Variants in TSPAN7 observed in about 807,000 individuals in gnomAD.
The protein encoded by TSPAN7 is tetraspanin 7.
TSPAN7 carries 1 observed loss-of-function variant against 17.6 expected under a neutral mutation model. That is an observed-to-expected ratio of 0.06 (90% confidence interval 0.02 to 0.27). TSPAN7 has a LOEUF of 0.27. Ranked by LOEUF, TSPAN7 falls within the 10% of genes least tolerant of loss-of-function variation. TSPAN7 has a pLI of 1.00. For synonymous variants in TSPAN7, 78 were observed against 79.0 expected (o/e 0.99, Z 0.07); for missense variants, 112 against 201.7 (o/e 0.56, Z 2.69).
At chrX:38,648,761 C>A (rs1022489029) in intron 1 of TSPAN7, among the ~76,000 whole-genome samples, 2 of 109,984 alleles carry the variant, frequency 1.8e-5, no homozygotes, top group African/African-American at 6.6e-5. Flanking sequence ...CAGGCATCTG[C>A]ATTTTAACTT....
chrX:38,632,407 G>C (rs958813084), intron 1 of TSPAN7, among the ~76,000 whole-genome samples: 15 of 112,042 alleles, frequency 1.3e-4, no homozygotes, highest in Admixed American at 3.8e-4. Flanking sequence ...CTAAAAAATT[G>C]AATCACTAAA....
chrX:38,673,821 G>T (rs1292638383), intron 3 of TSPAN7, among the ~76,000 whole-genome samples: 1 of 111,307 alleles, frequency 9.0e-6, no homozygotes, highest in Non-Finnish European at 1.9e-5. Flanking sequence ...CCACCCAAGT[G>T]GTTTGTCTTT....
At chrX:38,564,116 C>T (rs946168101) in intron 1 of TSPAN7, among the ~76,000 whole-genome samples, 1 of 110,665 alleles carries the variant, frequency 9.0e-6, no homozygotes, top group Non-Finnish European at 1.9e-5. Flanking sequence ...GCTGTTATCC[C>T]GTTTACCCCC....
At chrX:38,607,380 C>CT (rs1249592895) in intron 1 of TSPAN7, among the ~76,000 whole-genome samples, 2 of 111,238 alleles carry the variant, frequency 1.8e-5, no homozygotes, top group African/African-American at 6.5e-5. Flanking sequence ...TGTCTCACTG[C>CT]TTTTTTTTCC....
intron 1 of TSPAN7, among the ~76,000 whole-genome samples, chrX:38,643,943 G>A (rs2069630096): frequency 8.9e-6 from 1 of 112,106 alleles, no homozygotes; most frequent in Non-Finnish European, 1.9e-5. Flanking sequence ...CAGAAAGGGT[G>A]GTATCTTGCC....
At chrX:38,570,299 G>GT (rs1430750920) in intron 1 of TSPAN7, among the ~76,000 whole-genome samples, 2 of 111,806 alleles carry the variant, frequency 1.8e-5, no homozygotes, top group Non-Finnish European at 3.8e-5. Context: ...ATAATCTGGA[G>GT]TTTTTTCTTA....
intron 7 of TSPAN7, 59 bp from the exon 8 acceptor site, chrX:38,687,880 G>A (rs1014520924): frequency 5.9e-6 from 2 of 337,958 alleles, no homozygotes; most frequent in African/African-American, 2.6e-5. Context: ...TTTTCAGCTT[G>A]TTATCTTTCA....
intron 1 of TSPAN7, among the ~76,000 whole-genome samples, chrX:38,640,715 C>A (rs1336969036): frequency 8.9e-6 from 1 of 112,281 alleles, no homozygotes; most frequent in Non-Finnish European, 1.9e-5. Context: ...CATTTAACTA[C>A]AGAATATGCA....
chrX:38,659,281 G>T (rs1466883380), intron 1 of TSPAN7, among the ~76,000 whole-genome samples: 1 of 111,510 alleles, frequency 9.0e-6, no homozygotes, highest in Non-Finnish European at 1.9e-5. Flanking sequence ...GGAGCCTCTC[G>T]CCACCTGGGA....
chrX:38,642,289 A>G (rs1335644487), intron 1 of TSPAN7, among the ~76,000 whole-genome samples: 1 of 111,866 alleles, frequency 8.9e-6, no homozygotes, highest in African/African-American at 3.3e-5. Flanking sequence ...GATGTTGAAT[A>G]AGGACAAGTG....
intron 1 of TSPAN7, among the ~76,000 whole-genome samples, chrX:38,642,686 G>T (rs1221249273): frequency 8.9e-6 from 1 of 112,059 alleles, no homozygotes; most frequent in African/African-American, 3.2e-5. Flanking sequence ...AACTACAAGA[G>T]TAAGCAGCTG....
intron 4 of TSPAN7, 134 bp from the exon 5 acceptor site, chrX:38,675,571 C>A: frequency 1.4e-6 from 1 of 736,983 alleles, no homozygotes; most frequent in Non-Finnish European, 2.0e-6. Context: ...TTCCATTCAT[C>A]TTGACTCACC....
chrX:38,582,062 A>T (rs1374049826), intron 1 of TSPAN7, among the ~76,000 whole-genome samples: 1 of 112,458 alleles, frequency 8.9e-6, no homozygotes, highest in Non-Finnish European at 1.9e-5. Flanking sequence ...TGCCTCCTCT[A>T]CCTGAACCTG....
intron 4 of TSPAN7, among the ~76,000 whole-genome samples, chrX:38,675,411 T>A (rs1444554813): frequency 8.9e-6 from 1 of 112,396 alleles, no homozygotes; most frequent in Non-Finnish European, 1.9e-5. Flanking sequence ...AGTGGATGAG[T>A]ACATCTATAT....
intron 1 of TSPAN7, among the ~76,000 whole-genome samples, chrX:38,602,994 C>T (rs2069354412): frequency 9.0e-6 from 1 of 111,654 alleles, no homozygotes; most frequent in Non-Finnish European, 1.9e-5. Flanking sequence ...TGTTACAACC[C>T]ACAAAATGGG....
chrX:38,681,368 C>A, intron 6 of TSPAN7, 81 bp downstream of exon 6: 1 of 866,686 alleles, frequency 1.2e-6, no homozygotes, highest in Non-Finnish European at 1.7e-6. Context: ...TGCCTGCCTT[C>A]CTGTGCTTTG....
At chrX:38,599,342 T>C (rs1414994734) in intron 1 of TSPAN7, among the ~76,000 whole-genome samples, 1 of 111,176 alleles carries the variant, frequency 9.0e-6, no homozygotes, top group Non-Finnish European at 1.9e-5. Context: ...ATAGGATTTA[T>C]CTAATTCTCT....
At position 38,666,544 on chromosome X, in the gene TSPAN7, A is replaced by G. The variant is rs28668911; in HGVS notation, c.270+235A>G. ...GGTAGATGATGACAAAGCAGTGGCC[A>G]GTGATTGCAGTAGTCCATTTGTATC... is the stretch of plus-strand genomic sequence containing the variant. On this transcript the variant is annotated intron_variant, in intron 2 of 7. Coordinates refer to ENST00000378482, the MANE Select transcript of TSPAN7 (RefSeq NM_004615.4). Among the ~76,000 whole-genome samples the G allele has an allele frequency of 0.014, 1,517 of 109,630 alleles. 16 individuals are homozygous for G. Among genetic ancestry groups the G allele is most frequent in the Non-Finnish European group, 0.021 (1,082 of 52,615 alleles).
At chrX:38,677,212 C>T (rs2069859919) in intron 5 of TSPAN7, among the ~76,000 whole-genome samples, 1 of 112,051 alleles carries the variant, frequency 8.9e-6, no homozygotes, top group Non-Finnish European at 1.9e-5. Context: ...AGTTACTTAA[C>T]TTTGTCAGTC....
Sources: allele counts gnomAD v4.1 joint callset (sites outside exome capture counted in the v4.1 genomes callset), GRCh38; gene constraint gnomAD v4.1.1; transcripts MANE v1.5; gene names NCBI Gene and HGNC (gene_info 2026-07-23, HGNC 2026-07-21).